PTPRD: variants seen among roughly 807,000 people sequenced by gnomAD.
PTPRD encodes the protein protein tyrosine phosphatase receptor type D, also known as receptor-type tyrosine-protein phosphatase delta.
In PTPRD, 34 loss-of-function variants were observed where a neutral mutation model predicts 214.5. The observed-to-expected ratio is 0.16, with a 90% confidence interval of 0.12 to 0.21. The LOEUF is 0.21. PTPRD is among the 10% of genes least tolerant of loss of function. PTPRD has a pLI of 1.00. For synonymous variants in PTPRD, 1,128 were observed against 845.7 expected, an observed-to-expected ratio of 1.33 and a Z score of -5.79; for missense variants, 2,545 against 2,398.7, an observed-to-expected ratio of 1.06 and a Z score of -1.27.
In PTPRD at chr9:10,082,114, T is replaced by C. The variant is rs756209959; in HGVS notation, c.-544-48324A>G. Among the ~76,000 whole-genome samples, 76 of 152,084 alleles carry C rather than the reference T, an allele frequency of 5.0e-4. 1 individual carries two copies. Among genetic ancestry groups the C allele is most frequent in the Admixed American group, 3.3e-4 (5 of 15,250 alleles). ...GTGTTGGCTCCATACAAAATGAACCTCTTCATTATAATCCAAAATTCAATG... is the reference window on the plus strand; with the variant it reads ...GTGTTGGCTCCATACAAAATGAACCCCTTCATTATAATCCAAAATTCAATG... On this transcript the variant is annotated intron_variant, in intron 3 of 45. Coordinates refer to ENST00000381196, the MANE Select transcript of PTPRD (RefSeq NM_002839.4).
intron 7 of PTPRD, among the ~76,000 whole-genome samples, chr9:9,663,134 G>C (rs1167770368): frequency 9.9e-5 from 15 of 151,432 alleles, no homozygotes; most frequent in African/African-American, 3.6e-4. Context: ...ATTATAGTTA[G>C]CAATTTTTTG....
intron 9 of PTPRD, among the ~76,000 whole-genome samples, chr9:9,251,465 C>T (rs116415835): frequency 1.3e-5 from 2 of 151,844 alleles, no homozygotes; most frequent in Non-Finnish European, 2.9e-5. Context: ...GTAATTCCTT[C>T]TCTTCCTTCT....
At chr9:9,872,472 A>T (rs991848857) in intron 5 of PTPRD, among the ~76,000 whole-genome samples, 1 of 152,094 alleles carries the variant, frequency 6.6e-6, no homozygotes, top group Non-Finnish European at 1.5e-5. Context: ...ATGGGGGCAC[A>T]TATCTGTAGT....
At chr9:10,105,295 A>G (rs1485025460) in intron 3 of PTPRD, among the ~76,000 whole-genome samples, 4 of 151,908 alleles carry the variant, frequency 2.6e-5, no homozygotes, top group Non-Finnish European at 4.4e-5. Context: ...ATAAGTTAAT[A>G]TCTATTATTG....
rs991850811 is a variant in PTPRD at position 9,679,444 on chromosome 9, T to C, written c.-287+55089A>G. ...CTGTCAAAAACCTGAACTTTAAAAA[T>C]AAATTAGAGACCATGTGGCACCTGA... On this transcript the variant is annotated intron_variant, in intron 7 of 45. Transcript: ENST00000381196. 3.9e-5 allele frequency among the ~76,000 whole-genome samples: 6 copies of C among 152,004 alleles called. No individual in the cohort carries two copies. The East Asian group carries it at 1.2e-3, about 29-fold the overall frequency.
intron 2 of PTPRD, among the ~76,000 whole-genome samples, chr9:10,550,920 G>A (rs368993161): frequency 2.6e-5 from 4 of 152,012 alleles, no homozygotes; most frequent in Admixed American, 6.6e-5. Flanking sequence ...TATTCACTTC[G>A]GTATTAACTT....
chr9:8,531,760 A>G (rs2075758514), intron 14 of PTPRD, among the ~76,000 whole-genome samples: 1 of 152,122 alleles, frequency 6.6e-6, no homozygotes, highest in South Asian at 2.1e-4. Flanking sequence ...GAACTGAGCC[A>G]ATATTCAGTG....
At chr9:9,301,494 T>C (rs1244632122) in intron 9 of PTPRD, among the ~76,000 whole-genome samples, 3 of 144,922 alleles carry the variant, frequency 2.1e-5, no homozygotes, top group Non-Finnish European at 4.5e-5. Flanking sequence ...TTTCGTTACC[T>C]TGGGAAATTT....
intron 11 of PTPRD, among the ~76,000 whole-genome samples, chr9:8,939,766 T>C (rs966997627): frequency 8.5e-5 from 13 of 152,206 alleles, no homozygotes; most frequent in African/African-American, 3.1e-4. Context: ...ACAGGTTAAA[T>C]AGAAACTAAA....
intron 10 of PTPRD, among the ~76,000 whole-genome samples, chr9:9,061,132 G>T (rs1371889573): frequency 6.6e-6 from 1 of 152,140 alleles, no homozygotes; most frequent in Non-Finnish European, 1.5e-5. Context: ...AGGACAAAAG[G>T]GAGACTGTCA....
At chr9:10,302,915 T>C (rs1214178676) in intron 3 of PTPRD, among the ~76,000 whole-genome samples, 2 of 152,168 alleles carry the variant, frequency 1.3e-5, no homozygotes, top group Admixed American at 6.5e-5. Flanking sequence ...GTGGACCTAA[T>C]AGACATCAAT....
intron 7 of PTPRD, among the ~76,000 whole-genome samples, chr9:9,619,060 C>T (rs1014186934): frequency 6.6e-6 from 1 of 152,070 alleles, no homozygotes; most frequent in Non-Finnish European, 1.5e-5. Flanking sequence ...TGTGCTTTTG[C>T]TTTAGCAATG....
At position 10,568,091 on chromosome 9, in the gene PTPRD, T is replaced by C. The variant is rs1166642688; in HGVS notation, c.-600+44307A>G. 4.0e-5 allele frequency among the ~76,000 whole-genome samples: 6 copies of C among 151,578 alleles called. No individual in the cohort carries two copies. The South Asian group carries it at 1.3e-3, about 32-fold the overall frequency. Reference sequence around the variant, plus strand: ...TTAACTCGTCATTTAGCATTAGGTATATCTCCTAATGCTACCCCTCCCCCC... The same window carrying C: ...TTAACTCGTCATTTAGCATTAGGTACATCTCCTAATGCTACCCCTCCCCCC... On this transcript the variant is annotated intron_variant, in intron 2 of 45. Transcript: ENST00000381196.
At chr9:9,279,323 G>GAT (rs1370738598) in intron 9 of PTPRD, among the ~76,000 whole-genome samples, 7 of 145,134 alleles carry the variant, frequency 4.8e-5, no homozygotes, top group East Asian at 2.0e-4. Context: ...CATATATACA[G>GAT]ATATATATAT....
intron 8 of PTPRD, among the ~76,000 whole-genome samples, chr9:9,450,754 GGGGT>G (rs2091912164): frequency 6.6e-6 from 1 of 151,036 alleles, no homozygotes; most frequent in Non-Finnish European, 1.5e-5. Flanking sequence ...ATTATGGGGG[GGGGT>G]GTGTGTGTCC....
At chr9:9,471,640 T>C (rs896610934) in intron 8 of PTPRD, among the ~76,000 whole-genome samples, 1 of 152,202 alleles carries the variant, frequency 6.6e-6, no homozygotes, top group African/African-American at 2.4e-5. Context: ...CTAATCTTAC[T>C]ATATTTTGAT....
intron 5 of PTPRD, among the ~76,000 whole-genome samples, chr9:9,788,852 T>G (rs1165678945): frequency 2.0e-5 from 3 of 152,106 alleles, no homozygotes; most frequent in Non-Finnish European, 2.9e-5. Context: ...ACTATCTAAC[T>G]CTTCTTTCAT....
intron 9 of PTPRD, among the ~76,000 whole-genome samples, chr9:9,307,678 T>C (rs965687760): frequency 6.6e-6 from 1 of 152,190 alleles, no homozygotes; most frequent in Admixed American, 6.5e-5. Context: ...TCATTCTGAA[T>C]TACAAATCCG....
intron 11 of PTPRD, among the ~76,000 whole-genome samples, chr9:8,768,823 C>T (rs1480164739): frequency 6.6e-6 from 1 of 152,104 alleles, no homozygotes; most frequent in Non-Finnish European, 1.5e-5. Context: ...ATGAAGTAAC[C>T]TAGCTCTTCT....
Sources: gnomAD v4.1 joint callset for allele counts (sites outside exome capture counted in the v4.1 genomes callset) on GRCh38, gnomAD v4.1.1 for gene constraint, MANE v1.5 for transcripts, NCBI Gene and HGNC (gene_info 2026-07-23, HGNC 2026-07-21) for gene names.